The following CCDC180 variants were observed in gnomAD, a reference collection of about 807,000 sequenced individuals.
CCDC180 encodes coiled-coil domain-containing protein 180.
Under a neutral mutation model 209.2 loss-of-function variants are expected in CCDC180, and 154 were observed. The ratio of observed to expected loss-of-function variants is 0.74; its 90% CI spans 0.65 to 0.84. The LOEUF (loss-of-function observed/expected upper bound fraction) is 0.84, where lower values mean the gene tolerates loss of function less well. Among genes scored for constraint, CCDC180 ranks in the 40% least tolerant of loss-of-function variants. The pLI, the probability that CCDC180 is intolerant of heterozygous loss-of-function variation, is 0.00. For synonymous variants in CCDC180, 778 were observed against 749.1 expected (o/e 1.04, Z -0.63); for missense variants, 1,874 against 1,997.3 (o/e 0.94, Z 1.18).
rs1390143450 is a variant in CCDC180, at chr9:97,377,432, A to T, written c.*538A>T. The T allele has an allele frequency of 6.6e-6, 1 of 152,386 alleles. No individual in the cohort carries two copies. Among genetic ancestry groups the T allele is most frequent in the African/African-American group, 2.4e-5 (1 of 41,358 alleles). 9.4% of individuals were successfully genotyped at this position (152,386 alleles called of 1,614,324 possible). ...GCTCCTTTAGTCCTGTGTTGCCCAG[A>T]TCATTCTCTTGGAGTCCTCCAGCCT... On this transcript the variant is annotated 3_prime_UTR_variant, in exon 37 of 37. Transcript: ENST00000529487.
chr9:97,323,368 A>T (rs1485891553), intron 12 of CCDC180, among the ~76,000 whole-genome samples: 1 of 152,032 alleles, frequency 6.6e-6, no homozygotes, highest in Non-Finnish European at 1.5e-5. Context: ...GCCTGGCCCC[A>T]CTTTCCCCTG....
At chr9:97,343,915 A>G (rs1051753425) in intron 19 of CCDC180, among the ~76,000 whole-genome samples, 1 of 152,154 alleles carries the variant, frequency 6.6e-6, no homozygotes, top group African/African-American at 2.4e-5. Context: ...TTTTAATTCT[A>G]TAGATATACA....
At chr9:97,348,590 C>T (rs1035010390) in intron 20 of CCDC180, among the ~76,000 whole-genome samples, 4 of 151,844 alleles carry the variant, frequency 2.6e-5, no homozygotes, top group African/African-American at 7.2e-5. Context: ...GGGAGGTGGT[C>T]GGGGTCGGGG....
At chr9:97,311,109 A>G (rs991741655) in intron 3 of CCDC180, among the ~76,000 whole-genome samples, 7 of 152,184 alleles carry the variant, frequency 4.6e-5, no homozygotes, top group Non-Finnish European at 8.8e-5. Context: ...CTATGTGCTC[A>G]TCACCCAGGG....
At chr9:97,312,907 T>G (rs908077190) in intron 4 of CCDC180, among the ~76,000 whole-genome samples, 1 of 138,452 alleles carries the variant, frequency 7.2e-6, no homozygotes, top group Non-Finnish European at 1.6e-5. Flanking sequence ...GAAGACTAGC[T>G]GAGTTTGAAC....
At position 97,354,969 on chromosome 9, in the gene CCDC180, G is replaced by A. The variant is rs1413398134; in HGVS notation, c.3225G>A (p.Gln1075=). 1 of 1,614,012 alleles carries A rather than the reference G, an allele frequency of 6.2e-7. No individual in the cohort carries two copies. Among genetic ancestry groups the A allele is most frequent in the South Asian group, 1.1e-5 (1 of 91,078 alleles). ...SVDLIFIEKI[Q]RLLTNLQVKI... is the part of the protein sequence containing the mutation. Reference sequence around the variant, plus strand: ...ACCTTATTTTCATAGAGAAAATCCAGCGGTTGCTGACGAATCTGCAAGTGA... The same window carrying A: ...ACCTTATTTTCATAGAGAAAATCCAACGGTTGCTGACGAATCTGCAAGTGA... The change falls in exon 24 of 37, where the codon CAG becomes CAA. Residue 1075 remains glutamine, a synonymous_variant. Coordinates refer to ENST00000529487, the MANE Select transcript of CCDC180 (RefSeq NM_020893.6).
chr9:97,341,955 C>T (rs112384497), intron 18 of CCDC180, among the ~76,000 whole-genome samples: 17,052 of 152,228 alleles, frequency 0.11, 2,740 homozygotes, highest in African/African-American at 0.35. Flanking sequence ...GTGAGCAAGG[C>T]TCTGTGGGCA....
Position 97,366,644 on chromosome 9 carries a change from A to G in CCDC180, c.4133A>G (p.Lys1378Arg). 1 of 1,614,218 alleles carries G rather than the reference A, an allele frequency of 6.2e-7. No homozygotes were observed. Among genetic ancestry groups the G allele is most frequent in the South Asian group, 1.1e-5 (1 of 91,088 alleles). Residue 1378 changes from lysine to arginine, a missense_variant, in exon 31 of 37, where the codon AAA becomes AGA. Lys to Arg is a conservative substitution (Grantham distance 26). Transcript: ENST00000529487. The surrounding 1 kb of genome is among the most constrained non-coding windows in gnomAD (Gnocchi z 4.3). Reference sequence around the variant, plus strand: ...GACCAGTGCGCCGAGAACATTAGCAAAAAGATCCTGGAGTATCAGAGCCAG... The same window carrying G: ...GACCAGTGCGCCGAGAACATTAGCAGAAAGATCCTGGAGTATCAGAGCCAG... Reference protein sequence around the residue: ...TFDQCAENISKKILEYQSQAN... With the variant: ...TFDQCAENISRKILEYQSQAN...
chr9:97,343,750 C>G (rs1826163474), intron 19 of CCDC180, 187 bp downstream of exon 19: 1 of 582,368 alleles, frequency 1.7e-6, no homozygotes, highest in Non-Finnish European at 3.0e-6. Flanking sequence ...TTTGCAGTCA[C>G]AGATATCTTC....
In CCDC180 at chr9:97,346,808, T is replaced by A. The variant is rs117792933; in HGVS notation, c.2499-506T>A. Among the ~76,000 whole-genome samples, 240 of 152,186 alleles carry A rather than the reference T, an allele frequency of 1.6e-3. 6 individuals are homozygous for A. In the East Asian group the frequency reaches 0.042, roughly 27 times the overall value. ...CCCAGGCTGGTCTCGAACTCCTAGG[T>A]TCAAGCAATCCTCCTGCTTCCATCT... On this transcript the variant is annotated intron_variant, in intron 19 of 36. Transcript: ENST00000529487.
At chr9:97,320,888 G>A (rs1833335341) in intron 11 of CCDC180, among the ~76,000 whole-genome samples, 1 of 152,218 alleles carries the variant, frequency 6.6e-6, no homozygotes, top group African/African-American at 2.4e-5. Flanking sequence ...GACTTAGGAT[G>A]GTTCAACTTG....
intron 35 of CCDC180, among the ~76,000 whole-genome samples, chr9:97,375,171 G>A (rs1253347152): frequency 6.6e-6 from 1 of 152,206 alleles, no homozygotes; most frequent in Non-Finnish European, 1.5e-5. Flanking sequence ...TGGCAGATCA[G>A]TGAGTAAACT....
rs1826938735 is a variant in CCDC180 at position 97,366,859 on chromosome 9, T to C, written c.4189+159T>C. Among the ~76,000 whole-genome samples, 2 of 152,124 alleles carry C rather than the reference T, an allele frequency of 1.3e-5. No individual in the cohort carries two copies. The highest frequency in any genetic ancestry group is 1.5e-5 in the Non-Finnish European group (1 of 68,016). On this transcript the variant is annotated intron_variant, in intron 31 of 36. Coordinates refer to ENST00000529487, the MANE Select transcript of CCDC180 (RefSeq NM_020893.6). This position sits in a 1 kb window ranked among gnomAD's most constrained non-coding sequence, Gnocchi z 4.3. ...TCTTAAAATTAGGTAAAAACAATAATCAGATTTTACTGGGGAAATGCGACC... is the reference window on the plus strand; with the variant it reads ...TCTTAAAATTAGGTAAAAACAATAACCAGATTTTACTGGGGAAATGCGACC...
chr9:97,337,951 T>C (rs1825959941), intron 18 of CCDC180, among the ~76,000 whole-genome samples: 1 of 152,226 alleles, frequency 6.6e-6, no homozygotes, highest in Admixed American at 6.5e-5. Flanking sequence ...TTTATTTGCA[T>C]AGCGGTGTTT....
Position 97,353,880 on chromosome 9 carries a change from T to C in CCDC180, c.3003-689T>C, listed in dbSNP as rs146153181. 2.7e-4 allele frequency among the ~76,000 whole-genome samples: 41 copies of C among 152,238 alleles called. No homozygotes were observed. In the East Asian group the frequency reaches 6.2e-3, roughly 23 times the overall value. ...GTCCTCTGGATCCAGCTCTAGGCTA[T>C]CCCTTCACCTGTGCAGTCATCAAGA... On this transcript the variant is annotated intron_variant, in intron 22 of 36. Coordinates refer to ENST00000529487, the MANE Select transcript of CCDC180 (RefSeq NM_020893.6).
chr9:97,343,220 T>C (rs1428202976), intron 18 of CCDC180, 120 bp from the exon 19 acceptor site: 6 of 599,692 alleles, frequency 1.0e-5, no homozygotes, highest in Non-Finnish European at 1.7e-5. Flanking sequence ...TAGGCAAGAT[T>C]CGGCCCATAA....
At chr9:97,340,552 G>A (rs768890136) in intron 18 of CCDC180, among the ~76,000 whole-genome samples, 14 of 152,186 alleles carry the variant, frequency 9.2e-5, no homozygotes, top group South Asian at 4.2e-4. Context: ...AATAATCCTC[G>A]CTCTATAATC....
At chr9:97,317,374 A>G (rs916284917) in intron 9 of CCDC180, 146 bp downstream of exon 9, 2 of 712,208 alleles carry the variant, frequency 2.8e-6, no homozygotes, top group African/African-American at 3.6e-5. Context: ...AGATAAAGGT[A>G]TAAAGAATAA....
chr9:97,332,268 T>C (rs571834888), intron 18 of CCDC180, among the ~76,000 whole-genome samples: 1 of 152,226 alleles, frequency 6.6e-6, no homozygotes, highest in Non-Finnish European at 1.5e-5. Context: ...TTTTGATTAC[T>C]GTAGACCTGT....
Sources: gnomAD v4.1 joint callset for allele counts (sites outside exome capture counted in the v4.1 genomes callset) on GRCh38, gnomAD v4.1.1 for gene constraint, Gnocchi (gnomAD v3.1) non-coding constraint, MANE v1.5 for transcripts, NCBI Gene and HGNC (gene_info 2026-07-23, HGNC 2026-07-21) for gene names.